SLC11A1: variants seen among roughly 807,000 people sequenced by gnomAD.
SLC11A1 encodes the protein natural resistance-associated macrophage protein 1.
Under a neutral mutation model 63.2 loss-of-function variants are expected in SLC11A1, and 59 were observed. The ratio of observed to expected loss-of-function variants is 0.93; its 90% CI spans 0.76 to 1.16. The LOEUF is 1.16. Ranked by LOEUF, SLC11A1 falls within the 50% of genes most tolerant of loss-of-function variation. The probability of loss-of-function intolerance (pLI) is 0.00; values close to 1 mark genes in which losing one functional copy is unlikely to be tolerated. For synonymous variants in SLC11A1, 305 were observed against 307.8 expected, an observed-to-expected ratio of 0.99 and a Z score of 0.09; for missense variants, 688 against 730.7, an observed-to-expected ratio of 0.94 and a Z score of 0.67.
In SLC11A1 at chr2:218,387,596, C is replaced by T; in HGVS notation, c.603C>T (p.Leu201=). 6.2e-7 allele frequency: 1 copy of T among 1,614,100 alleles called. No individual in the cohort carries two copies. Among genetic ancestry groups the T allele is most frequent in the Non-Finnish European group, 8.5e-7 (1 of 1,180,014 alleles). ...GLRKLEAFFG[L]LITIMALTFG... ...GGAAGCTGGAAGCTTTTTTTGGACTCCTTATAACCATTATGGCCTTGACCT... is the reference window on the plus strand; with the variant it reads ...GGAAGCTGGAAGCTTTTTTTGGACTTCTTATAACCATTATGGCCTTGACCT... The change falls in exon 7 of 15, where the codon CTC becomes CTT. Residue 201 remains leucine (L), a synonymous_variant. Coordinates refer to ENST00000233202, the MANE Select transcript of SLC11A1 (RefSeq NM_000578.4).
intron 2 of SLC11A1, chr2:218,383,561 C>T (rs556642818): frequency 3.7e-4 from 57 of 152,860 alleles, no homozygotes; most frequent in Middle Eastern, 6.6e-3. Flanking sequence ...CTCACTGCAA[C>T]CTCCGCTTCC....
At chr2:218,385,047 C>T (rs1265977287) in intron 3 of SLC11A1, 100 bp from the exon 4 acceptor site, 3 of 1,518,646 alleles carry the variant, frequency 2.0e-6, no homozygotes, top group African/African-American at 1.4e-5. Context: ...TCTCTCCCAC[C>T]CCCTCCCCGA....
chr2:218,389,748 C>A (rs1559121013), intron 8 of SLC11A1, 122 bp from the exon 9 acceptor site: 3 of 992,748 alleles, frequency 3.0e-6, no homozygotes, highest in East Asian at 2.6e-5. Context: ...CTGCCCCAGA[C>A]TGCCACGCAG....
At chr2:218,393,185 C>T (rs998414878) in intron 12 of SLC11A1, 55 bp downstream of exon 12, 243 of 1,446,714 alleles carry the variant, frequency 1.7e-4, no homozygotes, top group Non-Finnish European at 2.1e-4. Flanking sequence ...ACAGGACCTC[C>T]AGCAACCCCC....
rs1338015024 is a variant in SLC11A1 at position 218,387,930 on chromosome 2, T to C, written c.770T>C (p.Ile257Thr). The C allele has an allele frequency of 6.2e-7, 1 of 1,610,572 alleles. No homozygotes were observed. Among genetic ancestry groups the C allele is most frequent in the African/African-American group, 1.3e-5 (1 of 74,844 alleles). Residue 257 changes from isoleucine to threonine, a missense_variant, in exon 8 of 15, where the codon ATC becomes ACC. Transcript: ENST00000233202. ...IVGAIIMPHN[I>T]YLHSALVKSR... The stretch of plus-strand genomic sequence containing the variant: ...GGCGCCATCATCATGCCCCACAACA[T>C]CTACCTGCACTCGGCCCTGGTCAAG...
At chr2:218,391,553 TG>T in intron 11 of SLC11A1, 58 bp downstream of exon 11, 1 of 1,510,014 alleles carries the variant, frequency 6.6e-7, no homozygotes. Context: ...GGCACACTAC[TG>T]GGGGCTAGAA....
At chr2:218,387,491 A>G (rs1696166602) in intron 6 of SLC11A1, 74 bp from the exon 7 acceptor site, 2 of 1,474,552 alleles carry the variant, frequency 1.4e-6, no homozygotes, top group African/African-American at 1.4e-5. Flanking sequence ...CGCTCGTAGT[A>G]TTAGCCATTA....
chr2:218,392,139 C>T (rs747015200), intron 11 of SLC11A1: 49 of 379,582 alleles, frequency 1.3e-4, no homozygotes, highest in African/African-American at 9.4e-4. Context: ...GCGCGATCTC[C>T]GGCTCACCGC....
intron 8 of SLC11A1, among the ~76,000 whole-genome samples, chr2:218,389,218 T>C (rs973208846): frequency 3.3e-5 from 5 of 151,984 alleles, no homozygotes; most frequent in African/African-American, 2.4e-5. Flanking sequence ...GAAAAGATAT[T>C]ACAAGCGGAG....
chr2:218,391,258 G>A lies in SLC11A1; in HGVS notation c.1015G>A (p.Ala339Thr), dbSNP rs745355049. ...DYAKIFPMNN[A>T]TVAVDIYQGG... is the part of the protein sequence containing the mutation. The stretch of plus-strand genomic sequence containing the variant: ...CGCCAAGATCTTCCCCATGAACAAC[G>A]CCACCGTGGCCGTGGACATTTACCA... Residue 339 changes from alanine (A) to threonine (T), a missense_variant, in exon 10 of 15, where the codon GCC (alanine) becomes ACC (threonine). Coordinates refer to ENST00000233202, the MANE Select transcript of SLC11A1 (RefSeq NM_000578.4). 25 of 1,346,028 alleles carry A rather than the reference G, an allele frequency of 1.9e-5. No homozygotes were observed. Among genetic ancestry groups the A allele is most frequent in the South Asian group, 1.0e-4 (9 of 86,934 alleles). 83.4% of individuals were successfully genotyped at this position (1,346,028 alleles called of 1,614,324 possible).
At chr2:218,394,541 C>A in intron 13 of SLC11A1, 91 bp from the exon 14 acceptor site, 1 of 1,419,696 alleles carries the variant, frequency 7.0e-7, no homozygotes, top group Non-Finnish European at 9.7e-7. Flanking sequence ...TGTATCCCCA[C>A]CCCCAGTGTG....
Position 218,395,769 on chromosome 2 carries a change from A to T in SLC11A1, c.*734A>T, listed in dbSNP as rs1574784247. 6.6e-6 allele frequency: 1 copy of T among 152,356 alleles called. No individual in the cohort carries two copies. Among genetic ancestry groups the T allele is most frequent in the East Asian group, 1.9e-4 (1 of 5,312 alleles). The allele number at this position is 152,356 out of a possible 1,614,324, so 9.4% of individuals were successfully genotyped here. ...AAACCCGGCCTGATTAAAGTTAAAT[A>T]AATACTAGTTCCCTTCTCGTCCAAA... On this transcript the variant is annotated 3_prime_UTR_variant, in exon 15 of 15. Coordinates refer to ENST00000233202, the MANE Select transcript of SLC11A1 (RefSeq NM_000578.4).
intron 8 of SLC11A1, 98 bp downstream of exon 8, chr2:218,388,053 T>A: frequency 1.5e-6 from 2 of 1,371,406 alleles, no homozygotes; most frequent in Admixed American, 2.9e-5. Flanking sequence ...GCTCCTTCCC[T>A]CAGGATTTGC....
At position 218,382,473 on chromosome 2, in the gene SLC11A1, C is replaced by G. The variant is rs1029808500; in HGVS notation, c.7+98C>G. ...TTGAGGAAGCAAGAAAGCCCTTGGT[C>G]CCCTGTGGAAGCCTCTGGTCCCCCG... On this transcript the variant is annotated intron_variant, in intron 1 of 14. Transcript: ENST00000233202. 5.0e-6 allele frequency: 7 copies of G among 1,391,854 alleles called. No homozygotes were observed. The African/African-American group carries it at 8.5e-5, about 17-fold the overall frequency. The allele number at this position is 1,391,854 out of a possible 1,614,324, so 86.2% of individuals were successfully genotyped here. A position where few individuals can be genotyped will look rare whatever the true frequency, so the allele number is the denominator to read the frequency against.
At chr2:218,388,747 A>G (rs1437261252) in intron 8 of SLC11A1, among the ~76,000 whole-genome samples, 2 of 151,986 alleles carry the variant, frequency 1.3e-5, no homozygotes, top group African/African-American at 4.8e-5. Context: ...AGTTGCAGTG[A>G]GGGGAGATGG....
intron 9 of SLC11A1, 104 bp downstream of exon 9, chr2:218,390,132 C>T: frequency 1.7e-6 from 2 of 1,182,886 alleles, no homozygotes. Flanking sequence ...TGAGTCTCTG[C>T]CCTGATGATC....
At chr2:218,382,789 C>T (rs1695872387) in intron 1 of SLC11A1, among the ~76,000 whole-genome samples, 171 bp from the exon 2 acceptor site, 1 of 152,158 alleles carries the variant, frequency 6.6e-6, no homozygotes, top group South Asian at 2.1e-4. Context: ...CTGCCATGTC[C>T]CACACATCTG....
intron 1 of SLC11A1, 106 bp from the exon 2 acceptor site, chr2:218,382,854 T>C: frequency 6.9e-7 from 1 of 1,441,492 alleles, no homozygotes; most frequent in South Asian, 1.2e-5. Context: ...CCAGGGACCT[T>C]AGTTTCTCCA....
intron 12 of SLC11A1, 139 bp from the exon 13 acceptor site, chr2:218,393,981 C>A: frequency 1.4e-6 from 1 of 694,496 alleles, no homozygotes; most frequent in Non-Finnish European, 2.4e-6. Flanking sequence ...AGGCAGGAGA[C>A]GGGGAAGTAG....
Sources: gnomAD v4.1 joint callset for allele counts (sites outside exome capture counted in the v4.1 genomes callset) on GRCh38, gnomAD v4.1.1 for gene constraint, MANE v1.5 for transcripts, NCBI Gene and HGNC (gene_info 2026-07-23, HGNC 2026-07-21) for gene names.